TRPS1: variants seen among roughly 807,000 people sequenced by gnomAD.
TRPS1 encodes the protein transcriptional repressor GATA binding 1.
In TRPS1, 6 loss-of-function variants were observed where a neutral mutation model predicts 101.2. The ratio of observed to expected loss-of-function variants is 0.06; its 90% confidence interval spans 0.03 to 0.12. The LOEUF is 0.12. Ranked by LOEUF, TRPS1 falls within the 10% of genes least tolerant of loss-of-function variation. The pLI, the probability that TRPS1 is intolerant of heterozygous loss-of-function variation, is 1.00. For synonymous variants in TRPS1, 578 were observed against 589.8 expected, an observed-to-expected ratio of 0.98 and a Z score of 0.29; for missense variants, 1,363 against 1,567.0, an observed-to-expected ratio of 0.87 and a Z score of 2.20.
In TRPS1 at chr8:115,409,300, G is replaced by A. The variant is rs951737454; in HGVS notation, c.*4723C>T. Reference sequence around the variant, plus strand: ...AAAAAAACAGGGGAAAACCAGAATTGAGTTTTGGGACTCTATGCTCTAGAA... The same window carrying A: ...AAAAAAACAGGGGAAAACCAGAATTAAGTTTTGGGACTCTATGCTCTAGAA... On this transcript the variant is annotated 3_prime_UTR_variant, in exon 7 of 7. Coordinates refer to ENST00000395715, the MANE Select transcript of TRPS1 (RefSeq NM_014112.5). 1.6e-5 allele frequency: 2 copies of A among 125,440 alleles called. No individual in the cohort carries two copies. The highest frequency in any genetic ancestry group is 3.3e-5 in the Non-Finnish European group (2 of 61,168). The allele number at this position is 125,440 out of a possible 1,614,324, so 7.8% of individuals were successfully genotyped here.
intron 1 of TRPS1, 98 bp downstream of exon 1, chr8:115,668,447 C>T (rs1377656454): frequency 1.2e-4 from 17 of 144,650 alleles, no homozygotes; most frequent in African/African-American, 4.2e-4. Context: ...GCGCTGCACT[C>T]GCGTCGCGGC....
At chr8:115,549,632 G>T (rs181450453) in intron 5 of TRPS1, among the ~76,000 whole-genome samples, 1 of 147,778 alleles carries the variant, frequency 6.8e-6, no homozygotes, top group East Asian at 2.0e-4. Context: ...ACAGACTTAG[G>T]AACCTTGGTC....
chr8:115,569,232 C>T (rs1817144085), intron 5 of TRPS1, among the ~76,000 whole-genome samples: 1 of 151,958 alleles, frequency 6.6e-6, no homozygotes, highest in Non-Finnish European at 1.5e-5. Flanking sequence ...AATCTGGTAC[C>T]AGAGTGATAG....
intron 5 of TRPS1, among the ~76,000 whole-genome samples, chr8:115,544,520 C>T (rs1392999934): frequency 6.6e-6 from 1 of 151,856 alleles, no homozygotes; most frequent in East Asian, 1.9e-4. Flanking sequence ...TCCAACTACA[C>T]CTAAAAATAC....
rs1554615583 is a variant in TRPS1, at chr8:115,409,266, A to AAAAAAAAC, written c.*4756_*4757insGTTTTTTT. ...TGCTGCAGTTTATATGTTGGGAAAAAAAAAAAAAAAAAAAACAGGGGAAAA... is the reference window on the plus strand; with the variant it reads ...TGCTGCAGTTTATATGTTGGGAAAAAAAAAAAACAAAAAAAAAAAAAAACAGGGGAAAA... On this transcript the variant is annotated 3_prime_UTR_variant, in exon 7 of 7. Coordinates refer to ENST00000395715, the MANE Select transcript of TRPS1 (RefSeq NM_014112.5). The AAAAAAAAC allele has an allele frequency of 1.3e-5, 2 of 148,504 alleles. No homozygotes were observed. Among genetic ancestry groups the AAAAAAAAC allele is most frequent in the Admixed American group, 1.3e-4 (2 of 14,816 alleles). The allele number at this position is 148,504 out of a possible 1,614,324, so 9.2% of individuals were successfully genotyped here.
chr8:115,623,736 A>G lies in TRPS1; in HGVS notation c.-99T>C. ...AAGACGCTCAGAAGACACAGAAGACATTTTGAGAGCTGATCTGTACATCTG... is the reference window on the plus strand; with the variant it reads ...AAGACGCTCAGAAGACACAGAAGACGTTTTGAGAGCTGATCTGTACATCTG... On this transcript the variant is annotated 5_prime_UTR_variant, in exon 2 of 7. It removes an upstream start codon present in the reference 5' UTR. Transcript: ENST00000395715. The G allele has an allele frequency of 6.5e-7, 1 of 1,549,728 alleles. No homozygotes were observed. Among genetic ancestry groups the G allele is most frequent in the Non-Finnish European group, 8.7e-7 (1 of 1,147,670 alleles).
Position 115,414,052 on chromosome 8 carries a change from C to G in TRPS1, c.3856G>C (p.Val1286Leu), listed in dbSNP as rs753975231. Residue 1286 changes from valine (V) to leucine (L), a missense_variant, in exon 7 of 7, where the codon GTG becomes CTG. Physicochemically the swap from Val to Leu is conservative, Grantham distance 32. This residue lies in a region of TRPS1 where 307 missense variants were observed against 392.4 expected (regional missense o/e 0.78). Transcript: ENST00000395715. The surrounding 1 kb of genome is among the most constrained non-coding windows in gnomAD (Gnocchi z 4.8). ...QRGLHRNNAQ[V>L]EKNGKPKE ...TCTTTAGGTTTTCCATTTTTTTCCA[C>G]TTGTGCATTGTTCCTATGCAGGCCC... 1 of 1,613,412 alleles carries G rather than the reference C, an allele frequency of 6.2e-7. No homozygotes were observed. The highest frequency in any genetic ancestry group is 8.5e-7 in the Non-Finnish European group (1 of 1,179,732).
intron 5 of TRPS1, among the ~76,000 whole-genome samples, chr8:115,570,058 ATC>A (rs1360376147): frequency 1.3e-5 from 2 of 152,090 alleles, no homozygotes; most frequent in Admixed American, 6.6e-5. Context: ...CTATAAAGAA[ATC>A]TCTGTTTCAC....
chr8:115,453,111 T>C (rs1302474876), intron 5 of TRPS1, among the ~76,000 whole-genome samples: 1 of 151,804 alleles, frequency 6.6e-6, no homozygotes, highest in Non-Finnish European at 1.5e-5. Context: ...AACCTCCGCC[T>C]CCTGGGTTCA....
At chr8:115,506,014 T>C (rs1384424131) in intron 5 of TRPS1, among the ~76,000 whole-genome samples, 1 of 152,106 alleles carries the variant, frequency 6.6e-6, no homozygotes, top group Non-Finnish European at 1.5e-5. Flanking sequence ...TAAAAATGTA[T>C]ATTAGAAAAT....
intron 5 of TRPS1, among the ~76,000 whole-genome samples, chr8:115,577,137 A>G (rs565755562): frequency 3.3e-4 from 50 of 152,276 alleles, no homozygotes; most frequent in South Asian, 1.7e-3. Flanking sequence ...GTTAACAAGT[A>G]AAGTTTTTTT....
In TRPS1 at chr8:115,414,693, T is replaced by C. The variant is rs2129749290; in HGVS notation, c.3215A>G (p.Lys1072Arg). The change falls in exon 7 of 7, where the codon AAA (lysine) becomes AGA (arginine). Residue 1072 changes from lysine to arginine, a missense_variant. Lys to Arg is a conservative substitution (Grantham distance 26). Transcript: ENST00000395715. The surrounding 1 kb of genome is among the most constrained non-coding windows in gnomAD (Gnocchi z 4.8). ...PGNSSSVSEGKGSSERGSPIE... is the reference protein window; with the variant it reads ...PGNSSSVSEGRGSSERGSPIE... Reference sequence around the variant, plus strand: ...AGGACTGCCTCTCTCAGAACTTCCTTTCCCTTCAGATACGGATGAACTATT... The same window carrying C: ...AGGACTGCCTCTCTCAGAACTTCCTCTCCCTTCAGATACGGATGAACTATT... 1 of 1,614,066 alleles carries C rather than the reference T, an allele frequency of 6.2e-7. No homozygotes were observed. The highest frequency in any genetic ancestry group is 1.3e-5 in the African/African-American group (1 of 75,026).
intron 1 of TRPS1, among the ~76,000 whole-genome samples, chr8:115,655,992 C>T (rs891858442): frequency 3.3e-5 from 5 of 152,108 alleles, no homozygotes; most frequent in East Asian, 1.9e-4. Context: ...ACATTTCTAC[C>T]GGTGGAGACA....
At chr8:115,452,594 T>C (rs751286057) in intron 5 of TRPS1, among the ~76,000 whole-genome samples, 28 of 152,194 alleles carry the variant, frequency 1.8e-4, no homozygotes, top group Non-Finnish European at 2.6e-4. Flanking sequence ...GTGATAACGT[T>C]CAAACTGCTT....
intron 5 of TRPS1, among the ~76,000 whole-genome samples, chr8:115,477,803 C>A (rs1814642810): frequency 6.7e-6 from 1 of 148,170 alleles, no homozygotes; most frequent in African/African-American, 2.5e-5. Context: ...AATCTACATT[C>A]TTTTTTTTTT....
At chr8:115,574,509 A>G (rs561663111) in intron 5 of TRPS1, among the ~76,000 whole-genome samples, 1 of 152,260 alleles carries the variant, frequency 6.6e-6, no homozygotes, top group East Asian at 1.9e-4. Flanking sequence ...CTGAAAAGAG[A>G]CAGGACATAG....
intron 5 of TRPS1, among the ~76,000 whole-genome samples, chr8:115,436,584 T>C (rs970748393): frequency 3.9e-5 from 6 of 152,154 alleles, no homozygotes; most frequent in Non-Finnish European, 7.3e-5. Context: ...CAGGCTAGCC[T>C]TGAACTCCTG....
chr8:115,650,217 T>C (rs1273896852), intron 1 of TRPS1, among the ~76,000 whole-genome samples: 5 of 152,190 alleles, frequency 3.3e-5, no homozygotes, highest in Non-Finnish European at 7.4e-5. Context: ...TCCAAGCAGA[T>C]ATTACTTTTA....
chr8:115,471,181 T>C (rs569656670), intron 5 of TRPS1, among the ~76,000 whole-genome samples: 14 of 152,286 alleles, frequency 9.2e-5, no homozygotes, highest in Middle Eastern at 6.8e-3. Context: ...TGTGCTGCTA[T>C]ACAGAAGCGC....
Sources: allele counts gnomAD v4.1 joint callset (sites outside exome capture counted in the v4.1 genomes callset), GRCh38; gene constraint gnomAD v4.1.1; regional missense constraint gnomAD v4.1.1; non-coding constraint Gnocchi (gnomAD v3.1); transcripts MANE v1.5; gene names NCBI Gene and HGNC (gene_info 2026-07-23, HGNC 2026-07-21).